Variants in SLC4A10 observed in about 807,000 individuals in gnomAD.
SLC4A10 encodes the protein solute carrier family 4 member 10, also known as sodium-driven chloride bicarbonate exchanger.
SLC4A10 carries 42 observed loss-of-function variants against 137.7 expected under a neutral mutation model. The ratio of observed to expected loss-of-function variants is 0.30; its 90% CI spans 0.24 to 0.39. SLC4A10 has a LOEUF of 0.39. Ranked by LOEUF, SLC4A10 falls within the 10% of genes least tolerant of loss-of-function variation. SLC4A10 has a pLI of 1.00. For synonymous variants in SLC4A10, 474 were observed against 464.1 expected, an observed-to-expected ratio of 1.02 and a Z score of -0.27; for missense variants, 925 against 1,355.0, an observed-to-expected ratio of 0.68 and a Z score of 4.98.
intron 18 of SLC4A10, 140 bp downstream of exon 18, chr2:161,949,401 C>T (rs1694394387): frequency 2.2e-6 from 1 of 452,506 alleles, no homozygotes; most frequent in South Asian, 4.4e-5. Context: ...ATGCACACAG[C>T]ATGGCTAAAA....
chr2:161,730,016 C>T (rs1401946430), intron 1 of SLC4A10, among the ~76,000 whole-genome samples: 6 of 152,168 alleles, frequency 3.9e-5, no homozygotes, highest in Non-Finnish European at 7.4e-5. Context: ...CAAACCCAAA[C>T]AGGCTAAAAT....
At chr2:161,810,115 T>C (rs2056393103) in intron 3 of SLC4A10, among the ~76,000 whole-genome samples, 1 of 151,270 alleles carries the variant, frequency 6.6e-6, no homozygotes, top group Non-Finnish European at 1.5e-5. Context: ...ATGTATTACA[T>C]TTTTTTGTGT....
At chr2:161,820,603 G>A (rs187007979) in intron 3 of SLC4A10, among the ~76,000 whole-genome samples, 1 of 152,156 alleles carries the variant, frequency 6.6e-6, no homozygotes, top group African/African-American at 2.4e-5. Flanking sequence ...ATTCACCAAT[G>A]TTTTTGATGT....
chr2:161,789,488 CTG>C (rs1271338009), intron 2 of SLC4A10, among the ~76,000 whole-genome samples: 1 of 151,804 alleles, frequency 6.6e-6, no homozygotes, highest in Admixed American at 6.6e-5. Flanking sequence ...TTTCTACAAA[CTG>C]GCGTCTGACA....
At chr2:161,742,486 G>T (rs892984030) in intron 1 of SLC4A10, among the ~76,000 whole-genome samples, 3 of 134,806 alleles carry the variant, frequency 2.2e-5, no homozygotes, top group African/African-American at 8.9e-5. Flanking sequence ...CTGTCGCCCA[G>T]GCTGGAGTGC....
At chr2:161,742,423 C>G (rs1326900080) in intron 1 of SLC4A10, among the ~76,000 whole-genome samples, 2 of 111,202 alleles carry the variant, frequency 1.8e-5, no homozygotes, top group Non-Finnish European at 3.8e-5. Flanking sequence ...TTTTTCTTTT[C>G]TTTCTTTCTT....
chr2:161,977,788 CT>C lies in SLC4A10; in HGVS notation c.*26+30del. On this transcript the variant is annotated intron_variant, in intron 26 of 26. Coordinates refer to ENST00000446997, the MANE Select transcript of SLC4A10 (RefSeq NM_001178015.2). ...AAGACCCTCTCCCTCAAATCTATTC[CT>C]TGGTTGCATTTCCTTATGTTAAATG... 1.9e-6 allele frequency: 3 copies of C among 1,560,356 alleles called. No individual in the cohort carries two copies. In the South Asian group the frequency reaches 3.7e-5, roughly 19 times the overall value.
At chr2:161,956,850 T>A in intron 19 of SLC4A10, 139 bp from the exon 20 acceptor site, 1 of 921,000 alleles carries the variant, frequency 1.1e-6, no homozygotes, top group Non-Finnish European at 1.6e-6. Flanking sequence ...ACTGAGTGTT[T>A]GTTTAAGAGT....
intron 24 of SLC4A10, among the ~76,000 whole-genome samples, 166 bp downstream of exon 24, chr2:161,974,482 A>G (rs1283575438): frequency 6.6e-6 from 1 of 152,192 alleles, no homozygotes; most frequent in Non-Finnish European, 1.5e-5. Flanking sequence ...AGTTTTGCCA[A>G]TAATAGCCGT....
intron 3 of SLC4A10, among the ~76,000 whole-genome samples, chr2:161,813,299 C>G (rs903527553): frequency 6.6e-6 from 1 of 152,018 alleles, no homozygotes; most frequent in Non-Finnish European, 1.5e-5. Flanking sequence ...AGGCTGCTGT[C>G]AGTATGCTCC....
intron 15 of SLC4A10, among the ~76,000 whole-genome samples, chr2:161,930,041 G>A (rs1319435510): frequency 1.3e-5 from 2 of 152,042 alleles, no homozygotes; most frequent in African/African-American, 4.8e-5. Flanking sequence ...AAGCTACCTG[G>A]TCTTTCTTGG....
chr2:161,730,477 A>G (rs1451886430), intron 1 of SLC4A10, among the ~76,000 whole-genome samples: 1 of 152,212 alleles, frequency 6.6e-6, no homozygotes, highest in Non-Finnish European at 1.5e-5. Context: ...TTTATCTATT[A>G]TCTATCAACC....
intron 15 of SLC4A10, among the ~76,000 whole-genome samples, chr2:161,909,020 G>A (rs1291681257): frequency 7.0e-6 from 1 of 143,386 alleles, no homozygotes; most frequent in East Asian, 2.1e-4. Context: ...GACATAGGTG[G>A]GAATTGAACA....
intron 1 of SLC4A10, among the ~76,000 whole-genome samples, chr2:161,691,218 A>G (rs1390332069): frequency 6.7e-6 from 1 of 150,006 alleles, no homozygotes; most frequent in African/African-American, 2.4e-5. Context: ...TTTGGATTTT[A>G]TTTAGAAAAT....
intron 3 of SLC4A10, among the ~76,000 whole-genome samples, chr2:161,826,517 G>A (rs540796997): frequency 1.4e-4 from 21 of 152,146 alleles, no homozygotes; most frequent in Admixed American, 1.0e-3. Context: ...CTAAAAAATA[G>A]AGTGCTTTTG....
At chr2:161,778,935 C>T (rs2052697324) in intron 2 of SLC4A10, among the ~76,000 whole-genome samples, 1 of 151,816 alleles carries the variant, frequency 6.6e-6, no homozygotes, top group Admixed American at 6.6e-5. Context: ...ACACTATAGA[C>T]CTGTCTTAGT....
intron 3 of SLC4A10, among the ~76,000 whole-genome samples, chr2:161,809,913 A>T (rs1420600901): frequency 6.6e-6 from 1 of 152,140 alleles, no homozygotes; most frequent in East Asian, 1.9e-4. Context: ...TTCTGTGAAA[A>T]ACAACATTGG....
At position 161,748,993 on chromosome 2, in the gene SLC4A10, T is replaced by A. The variant is rs533566691; in HGVS notation, c.49-21980T>A. Among the ~76,000 whole-genome samples the A allele has an allele frequency of 5.9e-5, 9 of 152,132 alleles. No homozygotes were observed. In the East Asian group the frequency reaches 1.7e-3, roughly 29 times the overall value. ...AGTTTTCAGTGTACAGATCTTTTAG[T>A]TCTTTGATTAAATTTATTCCTAAGT... On this transcript the variant is annotated intron_variant, in intron 1 of 26. Transcript: ENST00000446997.
intron 4 of SLC4A10, among the ~76,000 whole-genome samples, chr2:161,852,420 A>G (rs1300017586): frequency 6.6e-6 from 1 of 152,162 alleles, no homozygotes; most frequent in Non-Finnish European, 1.5e-5. Flanking sequence ...ATTTAATAAA[A>G]GTTGTATCCA....
Sources: gnomAD v4.1 joint callset for allele counts (sites outside exome capture counted in the v4.1 genomes callset) on GRCh38, gnomAD v4.1.1 for gene constraint, MANE v1.5 for transcripts, NCBI Gene and HGNC (gene_info 2026-07-23, HGNC 2026-07-21) for gene names.